CCSER1: variants seen among roughly 807,000 people sequenced by gnomAD.
CCSER1 encodes the protein coiled-coil serine rich protein 1, also known as serine-rich coiled-coil domain-containing protein 1.
A neutral mutation model predicts 82.0 loss-of-function variants in CCSER1; 41 were observed. The ratio of observed to expected loss-of-function variants is 0.50; its 90% CI spans 0.39 to 0.65. The LOEUF (loss-of-function observed/expected upper bound fraction) is 0.65. CCSER1 is among the 30% of genes least tolerant of loss of function. The pLI, the probability that CCSER1 is intolerant of heterozygous loss-of-function variation, is 0.00. For missense variants in CCSER1, 1,119 were observed against 1,064.2 expected (o/e 1.05, Z -0.72); for synonymous variants, 414 against 383.9 (o/e 1.08, Z -0.92).
At chr4:91,046,822 A>G (rs1022763118) in intron 9 of CCSER1, among the ~76,000 whole-genome samples, 1 of 152,008 alleles carries the variant, frequency 6.6e-6, no homozygotes, top group Non-Finnish European at 1.5e-5. Flanking sequence ...GGTTCAAGCA[A>G]TTCCCCTGCC....
At chr4:91,512,351 TG>T (rs1759872447) in intron 10 of CCSER1, among the ~76,000 whole-genome samples, 3 of 152,208 alleles carry the variant, frequency 2.0e-5, no homozygotes, top group Admixed American at 2.0e-4. Context: ...TCTCCCATCC[TG>T]GATGCTTTCT....
In CCSER1 at chr4:90,923,222, G is replaced by C. The variant is rs1024967797; in HGVS notation, c.2095-148G>C. ...AAAAATTAAAGCTCTAAATATTTAA[G>C]CTTATTTTAAGAGCACTAACACAGC... On this transcript the variant is annotated intron_variant, in intron 8 of 10. Transcript: ENST00000509176. The C allele has an allele frequency of 9.6e-6, 6 of 627,240 alleles. No homozygotes were observed. The African/African-American group carries it at 1.1e-4, about 12-fold the overall frequency. The allele number at this position is 627,240 out of a possible 1,614,324, so 38.9% of individuals were successfully genotyped here.
intron 10 of CCSER1, among the ~76,000 whole-genome samples, chr4:91,352,442 T>C (rs1009426889): frequency 3.9e-5 from 6 of 152,104 alleles, no homozygotes; most frequent in African/African-American, 7.2e-5. Flanking sequence ...GAGACAGCGT[T>C]TCACTGTGTT....
rs187800901 is a variant in CCSER1 at position 91,325,426 on chromosome 4, C to T, written c.2217+239432C>T. 1,240 of 266,676 alleles carry T rather than the reference C, an allele frequency of 4.6e-3. 23 individuals carry two copies. Among genetic ancestry groups the T allele is most frequent in the South Asian group, 0.033 (892 of 27,258 alleles). 16.5% of individuals were successfully genotyped at this position (266,676 alleles called of 1,614,324 possible). ...AAGGGGTAGGCAGAAGTATTTTTAG[C>T]TAGTACATTATGATGCTGAGAAAAC... On this transcript the variant is annotated intron_variant, in intron 10 of 10. Transcript: ENST00000509176.
intron 9 of CCSER1, among the ~76,000 whole-genome samples, chr4:91,056,763 T>C (rs1216850372): frequency 1.3e-5 from 2 of 152,206 alleles, no homozygotes; most frequent in African/African-American, 4.8e-5. Flanking sequence ...TTTATTGTTT[T>C]AGGCTGTCTT....
chr4:91,555,470 C>G (rs921303617), intron 10 of CCSER1, among the ~76,000 whole-genome samples: 8 of 150,930 alleles, frequency 5.3e-5, no homozygotes, highest in Non-Finnish European at 1.2e-4. Context: ...ACATAGTAAT[C>G]AATCAACTAG....
intron 10 of CCSER1, among the ~76,000 whole-genome samples, chr4:91,165,053 C>T (rs901889065): frequency 6.6e-6 from 1 of 152,154 alleles, no homozygotes. Context: ...TCTGGTTTCT[C>T]CCCATCTTTG....
At chr4:90,918,204 TG>T (rs1727801343) in intron 8 of CCSER1, 1 of 454,078 alleles carries the variant, frequency 2.2e-6, no homozygotes. Flanking sequence ...TATTAATTAA[TG>T]TGTGTACATT....
At chr4:90,387,778 A>G (rs1347191221) in intron 3 of CCSER1, among the ~76,000 whole-genome samples, 1 of 152,218 alleles carries the variant, frequency 6.6e-6, no homozygotes, top group African/African-American at 2.4e-5. Context: ...TGGGTACAAC[A>G]GAAGCTTACA....
intron 10 of CCSER1, among the ~76,000 whole-genome samples, chr4:91,561,448 T>G (rs1411209363): frequency 2.0e-5 from 3 of 151,498 alleles, no homozygotes; most frequent in African/African-American, 7.2e-5. Flanking sequence ...CAAAATTTAC[T>G]TCCTTTGAGA....
At chr4:91,442,677 G>C in intron 10 of CCSER1, among the ~76,000 whole-genome samples, 1 of 134,332 alleles carries the variant, frequency 7.4e-6, no homozygotes, top group African/African-American at 2.8e-5. Flanking sequence ...CCATCAGAGT[G>C]AACAGGCAAC....
rs998918203 is a variant in CCSER1, at chr4:90,632,223, T to G, written c.1932+3991T>G. ...TTATTTTGCAATTTTTATTACTGGC[T>G]AAACAACCTTAGATTGCTATTAAAA... On this transcript the variant is annotated intron_variant, in intron 6 of 10. Transcript: ENST00000509176. Among the ~76,000 whole-genome samples, 3 of 152,238 alleles carry G rather than the reference T, an allele frequency of 2.0e-5. No homozygotes were observed. In the East Asian group the frequency reaches 5.8e-4, roughly 29 times the overall value.
chr4:91,357,880 C>G (rs1210219596), intron 10 of CCSER1, among the ~76,000 whole-genome samples: 1 of 71,910 alleles, frequency 1.4e-5, no homozygotes, highest in East Asian at 5.6e-4. Context: ...CTGCCTGCCC[C>G]CCCCCCCTTT....
intron 6 of CCSER1, among the ~76,000 whole-genome samples, chr4:90,700,756 T>C (rs889316748): frequency 1.1e-4 from 17 of 152,266 alleles, no homozygotes; most frequent in Non-Finnish European, 2.2e-4. Context: ...TGAGCATTTG[T>C]TCATGTGTCT....
intron 1 of CCSER1, among the ~76,000 whole-genome samples, chr4:90,222,613 T>C (rs1324488687): frequency 6.6e-6 from 1 of 152,188 alleles, no homozygotes; most frequent in Non-Finnish European, 1.5e-5. Flanking sequence ...TATCTAAATT[T>C]CAAAGTGCCT....
intron 7 of CCSER1, among the ~76,000 whole-genome samples, chr4:90,785,555 A>G (rs1754390402): frequency 6.6e-6 from 1 of 152,212 alleles, no homozygotes. Flanking sequence ...CAAATCTCTC[A>G]ATGTGACAAA....
intron 8 of CCSER1, among the ~76,000 whole-genome samples, chr4:90,855,310 G>A (rs1764335272): frequency 6.6e-6 from 1 of 152,070 alleles, no homozygotes; most frequent in African/African-American, 2.4e-5. Flanking sequence ...GTGGAGACTA[G>A]GGATCTAGAA....
At chr4:90,136,824 G>A (rs981453586) in intron 1 of CCSER1, among the ~76,000 whole-genome samples, 4 of 152,174 alleles carry the variant, frequency 2.6e-5, no homozygotes, top group African/African-American at 9.7e-5. Context: ...AAAGCTCGAA[G>A]TGAGAAAACC....
intron 4 of CCSER1, among the ~76,000 whole-genome samples, chr4:90,458,519 A>AT (rs893441927): frequency 1.3e-5 from 2 of 150,888 alleles, no homozygotes; most frequent in East Asian, 1.9e-4. Context: ...TGCCTGGCTA[A>AT]TTTTTTTTTA....
Sources: gnomAD v4.1 joint callset for allele counts (sites outside exome capture counted in the v4.1 genomes callset) on GRCh38, gnomAD v4.1.1 for gene constraint, MANE v1.5 for transcripts, NCBI Gene and HGNC (gene_info 2026-07-23, HGNC 2026-07-21) for gene names.